The following CCBE1 variants were observed in gnomAD, a reference collection of about 807,000 sequenced individuals.
The protein encoded by CCBE1 is collagen and calcium binding EGF domains 1.
A neutral mutation model predicts 50.0 loss-of-function variants in CCBE1; 37 were observed. The ratio of observed to expected loss-of-function variants is 0.74; its 90% CI spans 0.57 to 0.97. The LOEUF (loss-of-function observed/expected upper bound fraction) is 0.97. Ranked by LOEUF, CCBE1 falls within the 50% of genes least tolerant of loss-of-function variation. The pLI, the probability that CCBE1 is intolerant of heterozygous loss-of-function variation, is 0.00. For synonymous variants in CCBE1, 234 were observed against 203.7 expected, an observed-to-expected ratio of 1.15 and a Z score of -1.27; for missense variants, 538 against 523.8, an observed-to-expected ratio of 1.03 and a Z score of -0.26.
chr18:59,515,545 T>G (rs1380924766), intron 2 of CCBE1, among the ~76,000 whole-genome samples: 1 of 152,256 alleles, frequency 6.6e-6, no homozygotes, highest in Non-Finnish European at 1.5e-5. Flanking sequence ...AGTCTATCTT[T>G]GAGCAGCAGT....
At chr18:59,582,516 C>T (rs932775677) in intron 2 of CCBE1, among the ~76,000 whole-genome samples, 1 of 152,156 alleles carries the variant, frequency 6.6e-6, no homozygotes, top group Non-Finnish European at 1.5e-5. Flanking sequence ...GAGACTTTTG[C>T]CAGAGACTGA....
intron 2 of CCBE1, among the ~76,000 whole-genome samples, chr18:59,561,728 G>A (rs2052742130): frequency 1.3e-5 from 2 of 152,180 alleles, no homozygotes. Flanking sequence ...ACAGGAGGGA[G>A]CAAGGACACA....
At chr18:59,471,995 T>C (rs1912057299) in intron 3 of CCBE1, among the ~76,000 whole-genome samples, 1 of 152,240 alleles carries the variant, frequency 6.6e-6, no homozygotes, top group African/African-American at 2.4e-5. Context: ...AGCTCCTGTG[T>C]CTACCAAAAA....
chr18:59,628,083 G>GC (rs1364415909), intron 2 of CCBE1, among the ~76,000 whole-genome samples: 1 of 152,082 alleles, frequency 6.6e-6, no homozygotes, highest in Non-Finnish European at 1.5e-5. Context: ...GTGTGGTGGT[G>GC]CATGCCTGTA....
intron 3 of CCBE1, among the ~76,000 whole-genome samples, chr18:59,474,030 C>G (rs775290440): frequency 6.6e-6 from 1 of 152,176 alleles, no homozygotes; most frequent in Non-Finnish European, 1.5e-5. Flanking sequence ...AGGATTATAG[C>G]CTCCAGCTCC....
chr18:59,678,841 T>C (rs1166714066), intron 2 of CCBE1, among the ~76,000 whole-genome samples: 1 of 152,226 alleles, frequency 6.6e-6, no homozygotes, highest in Admixed American at 6.5e-5. Context: ...CCCACATTTT[T>C]ATATTAGAGA....
chr18:59,684,861 C>T (rs559535738), intron 2 of CCBE1, among the ~76,000 whole-genome samples: 1 of 152,230 alleles, frequency 6.6e-6, no homozygotes, highest in South Asian at 2.1e-4. Context: ...AACTCAAGCC[C>T]GTAAGAAGCC....
At chr18:59,592,629 AC>A (rs1443074055) in intron 2 of CCBE1, among the ~76,000 whole-genome samples, 3 of 152,386 alleles carry the variant, frequency 2.0e-5, no homozygotes, top group African/African-American at 7.2e-5. Context: ...AGATATATAT[AC>A]TACTATAGAT....
intron 5 of CCBE1, among the ~76,000 whole-genome samples, chr18:59,458,779 G>A (rs1911326977): frequency 6.6e-6 from 1 of 152,236 alleles, no homozygotes; most frequent in Non-Finnish European, 1.5e-5. Context: ...CAGAAGCTCT[G>A]CGGAGTGACC....
intron 2 of CCBE1, among the ~76,000 whole-genome samples, chr18:59,652,073 A>G (rs1323715305): frequency 6.6e-6 from 1 of 152,098 alleles, no homozygotes; most frequent in African/African-American, 2.4e-5. Flanking sequence ...TCATCTGTTC[A>G]AATTTTTGTT....
At chr18:59,492,555 G>A (rs1203636674) in intron 2 of CCBE1, among the ~76,000 whole-genome samples, 2 of 152,164 alleles carry the variant, frequency 1.3e-5, no homozygotes, top group African/African-American at 4.8e-5. Flanking sequence ...TCCTTCCCAT[G>A]AGTGTGAATG....
intron 2 of CCBE1, among the ~76,000 whole-genome samples, chr18:59,585,140 C>A (rs577721625): frequency 2.5e-4 from 38 of 152,116 alleles, no homozygotes; most frequent in African/African-American, 8.9e-4. Context: ...AGCCAAAAAG[C>A]CTTCAACATG....
At chr18:59,524,624 A>G (rs1042999465) in intron 2 of CCBE1, among the ~76,000 whole-genome samples, 2 of 152,190 alleles carry the variant, frequency 1.3e-5, no homozygotes, top group East Asian at 3.9e-4. Flanking sequence ...AAGTTCCAAG[A>G]TACATGTGCG....
At chr18:59,446,295 G>A (rs1910665297) in intron 7 of CCBE1, among the ~76,000 whole-genome samples, 1 of 152,204 alleles carries the variant, frequency 6.6e-6, no homozygotes, top group Non-Finnish European at 1.5e-5. Context: ...AGTTGGTTTT[G>A]TTCTAGTGAT....
At chr18:59,555,285 C>G (rs759800688) in intron 2 of CCBE1, among the ~76,000 whole-genome samples, 1 of 152,182 alleles carries the variant, frequency 6.6e-6, no homozygotes, top group Non-Finnish European at 1.5e-5. Context: ...CCTTAGCTCT[C>G]TTGGGAGGGA....
At chr18:59,496,954 AT>A (rs1913383942) in intron 2 of CCBE1, among the ~76,000 whole-genome samples, 1 of 152,204 alleles carries the variant, frequency 6.6e-6, no homozygotes, top group Non-Finnish European at 1.5e-5. Context: ...CCACTTGCTC[AT>A]TTTGATGAAT....
At chr18:59,538,085 C>A (rs1915323882) in intron 2 of CCBE1, among the ~76,000 whole-genome samples, 1 of 152,058 alleles carries the variant, frequency 6.6e-6, no homozygotes, top group African/African-American at 2.4e-5. Flanking sequence ...CTAAATACGT[C>A]CAATAAGATA....
intron 2 of CCBE1, among the ~76,000 whole-genome samples, chr18:59,490,806 A>T (rs907463140): frequency 3.3e-5 from 5 of 152,184 alleles, no homozygotes; most frequent in Admixed American, 3.3e-4. Flanking sequence ...TTTTTCACCT[A>T]AAATTACTGG....
At position 59,480,256 on chromosome 18, in the gene CCBE1, AT is replaced by A; in HGVS notation, c.213-19del. On this transcript the variant is annotated intron_variant, in intron 2 of 10. Transcript: ENST00000439986. ...ACTTTTTCCTAAGAGACAAACAAACATTTAAAATATAATAATTAGGCTAAAA... is the reference window on the plus strand; with the variant it reads ...ACTTTTTCCTAAGAGACAAACAAACATTAAAATATAATAATTAGGCTAAAA... The A allele has an allele frequency of 6.5e-7, 1 of 1,527,840 alleles. No individual in the cohort carries two copies. Among genetic ancestry groups the A allele is most frequent in the Non-Finnish European group, 9.1e-7 (1 of 1,102,920 alleles). The allele number at this position is 1,527,840 out of a possible 1,614,324, so 94.6% of individuals were successfully genotyped here.
Sources: gnomAD v4.1 joint callset for allele counts (sites outside exome capture counted in the v4.1 genomes callset) on GRCh38, gnomAD v4.1.1 for gene constraint, MANE v1.5 for transcripts, NCBI Gene and HGNC (gene_info 2026-07-23, HGNC 2026-07-21) for gene names.